The following GRIK2 variants were observed in gnomAD, a reference collection of about 807,000 sequenced individuals.
The protein encoded by GRIK2 is glutamate ionotropic receptor kainate type subunit 2, also known as glutamate receptor ionotropic, kainate 2.
A neutral mutation model predicts 100.3 loss-of-function variants in GRIK2; 32 were observed. That is an observed-to-expected ratio of 0.32 (90% CI 0.24 to 0.43). The LOEUF (loss-of-function observed/expected upper bound fraction) is 0.43. GRIK2 is among the 20% of genes least tolerant of loss of function. The pLI is 1.00. For missense variants in GRIK2, 843 were observed against 1,114.9 expected, an observed-to-expected ratio of 0.76 and a Z score of 3.47; for synonymous variants, 417 against 389.4, an observed-to-expected ratio of 1.07 and a Z score of -0.83.
rs1021612170 is a variant in GRIK2, at chr6:101,752,801, A to C, written c.952-46847A>C. Among the ~76,000 whole-genome samples, 5 of 152,342 alleles carry C rather than the reference A, an allele frequency of 3.3e-5. No homozygotes were observed. The East Asian group carries it at 9.6e-4, about 29-fold the overall frequency. On this transcript the variant is annotated intron_variant, in intron 7 of 16. Transcript: ENST00000369134. Reference sequence around the variant, plus strand: ...AATAATATTGCATATGTAAGAGTACACAGTAAATTCAAAGCTTTGTACAAA... The same window carrying C: ...AATAATATTGCATATGTAAGAGTACCCAGTAAATTCAAAGCTTTGTACAAA...
chr6:102,065,170 A>G (rs542884372), intron 16 of GRIK2, among the ~76,000 whole-genome samples: 6 of 151,130 alleles, frequency 4.0e-5, no homozygotes, highest in African/African-American at 1.4e-4. Context: ...TTTGTAAGCT[A>G]AATAAAGTCT....
At chr6:101,867,046 G>A (rs1785095908) in intron 11 of GRIK2, among the ~76,000 whole-genome samples, 1 of 151,894 alleles carries the variant, frequency 6.6e-6, no homozygotes, top group Non-Finnish European at 1.5e-5. Context: ...AGCTCAAAAA[G>A]ATATTTTCCT....
intron 14 of GRIK2, among the ~76,000 whole-genome samples, chr6:101,946,085 A>C (rs1453830130): frequency 1.3e-5 from 2 of 152,052 alleles, no homozygotes; most frequent in African/African-American, 2.4e-5. Flanking sequence ...TACAAAATAT[A>C]ACATATACAC....
intron 14 of GRIK2, among the ~76,000 whole-genome samples, chr6:101,961,876 G>T (rs1397371508): frequency 2.8e-4 from 43 of 152,134 alleles, no homozygotes; most frequent in Non-Finnish European, 5.9e-5. Context: ...CAAGAGCTGA[G>T]ACTCTTTGGG....
chr6:101,973,431 A>T (rs1793179955), intron 14 of GRIK2, among the ~76,000 whole-genome samples: 1 of 151,940 alleles, frequency 6.6e-6, no homozygotes, highest in South Asian at 2.1e-4. Context: ...AAGAACATAA[A>T]GATCTTCTAC....
At position 101,762,775 on chromosome 6, in the gene GRIK2, T is replaced by C. The variant is rs1347525575; in HGVS notation, c.952-36873T>C. ...TACAGCTTTCTTGTCCAGTTAATAT[T>C]CAGCTAAAAAGTACACATGTCAGGC... On this transcript the variant is annotated intron_variant, in intron 7 of 16. Coordinates refer to ENST00000369134, the MANE Select transcript of GRIK2 (RefSeq NM_021956.5). Among the ~76,000 whole-genome samples the C allele has an allele frequency of 2.6e-5, 4 of 152,320 alleles. No homozygotes were observed. The East Asian group carries it at 7.7e-4, about 29-fold the overall frequency.
intron 2 of GRIK2, among the ~76,000 whole-genome samples, chr6:101,522,078 C>T (rs1774907338): frequency 6.6e-6 from 1 of 152,082 alleles, no homozygotes; most frequent in East Asian, 1.9e-4. Context: ...CCTTGCATCT[C>T]TTTAGCAGTT....
At chr6:101,641,814 T>G (rs1389629155) in intron 4 of GRIK2, among the ~76,000 whole-genome samples, 4 of 151,946 alleles carry the variant, frequency 2.6e-5, no homozygotes, top group Non-Finnish European at 4.4e-5. Flanking sequence ...CAGAGCCTAC[T>G]GGCAAACCAG....
intron 12 of GRIK2, among the ~76,000 whole-genome samples, chr6:101,905,093 A>G (rs1322494511): frequency 6.6e-6 from 1 of 151,566 alleles, no homozygotes; most frequent in Non-Finnish European, 1.5e-5. Context: ...GCTAAAAGAG[A>G]AGTAGTGAAT....
chr6:101,546,096 T>C (rs1459216602), intron 2 of GRIK2, among the ~76,000 whole-genome samples: 2 of 152,230 alleles, frequency 1.3e-5, no homozygotes. Flanking sequence ...TATTCACTTT[T>C]AGATTTCGAC....
intron 7 of GRIK2, among the ~76,000 whole-genome samples, chr6:101,777,580 CA>C (rs1180286269): frequency 2.0e-5 from 3 of 151,928 alleles, no homozygotes; most frequent in Admixed American, 2.0e-4. Flanking sequence ...AATGAGGAAA[CA>C]AGGCAATAGG....
At chr6:101,797,939 A>C (rs1360727531) in intron 7 of GRIK2, among the ~76,000 whole-genome samples, 7 of 150,806 alleles carry the variant, frequency 4.6e-5, no homozygotes, top group Non-Finnish European at 8.9e-5. Context: ...ATTTCCATCT[A>C]GTTGAGTATT....
intron 14 of GRIK2, among the ~76,000 whole-genome samples, chr6:101,978,866 C>T (rs1442173719): frequency 1.3e-5 from 2 of 151,954 alleles, no homozygotes; most frequent in African/African-American, 4.8e-5. Context: ...GCTGCTGTCT[C>T]TAAATCTCCC....
intron 7 of GRIK2, among the ~76,000 whole-genome samples, chr6:101,775,716 G>A (rs979601934): frequency 1.3e-5 from 2 of 151,164 alleles, no homozygotes; most frequent in Non-Finnish European, 2.9e-5. Flanking sequence ...CTAGCTGTAT[G>A]GCAAAGTGTG....
At chr6:101,741,699 C>T (rs1382597930) in intron 7 of GRIK2, among the ~76,000 whole-genome samples, 1 of 152,262 alleles carries the variant, frequency 6.6e-6, no homozygotes, top group South Asian at 2.1e-4. Context: ...ATTTTCAGGA[C>T]ATTCTGCTTT....
intron 2 of GRIK2, among the ~76,000 whole-genome samples, chr6:101,439,135 A>G: frequency 6.6e-6 from 1 of 152,130 alleles, no homozygotes; most frequent in Non-Finnish European, 1.5e-5. Context: ...TGCGCTGAGT[A>G]TTCTAAATCC....
intron 2 of GRIK2, among the ~76,000 whole-genome samples, chr6:101,581,799 A>C (rs1431316731): frequency 2.6e-5 from 4 of 152,158 alleles, no homozygotes; most frequent in Non-Finnish European, 4.4e-5. Context: ...TGTTAGAAGT[A>C]AAATACTAAG....
chr6:101,791,958 G>T (rs573092948), intron 7 of GRIK2, among the ~76,000 whole-genome samples: 29 of 152,056 alleles, frequency 1.9e-4, no homozygotes, highest in African/African-American at 6.8e-4. Context: ...TTACCATTAT[G>T]TAATGGCCTT....
Position 101,715,663 on chromosome 6 carries a change from C to T in GRIK2, c.951+29310C>T, listed in dbSNP as rs187411506. Among the ~76,000 whole-genome samples, 198 of 151,768 alleles carry T rather than the reference C, an allele frequency of 1.3e-3. 2 individuals carry two copies. The highest frequency in any genetic ancestry group is 4.0e-3 in the African/African-American group (165 of 41,470). Reference sequence around the variant, plus strand: ...TTTTTATGGCAGTCTTCATTAATCCCATGTTATGAAAAAGAATTATTTCTG... The same window carrying T: ...TTTTTATGGCAGTCTTCATTAATCCTATGTTATGAAAAAGAATTATTTCTG... On this transcript the variant is annotated intron_variant, in intron 7 of 16. Coordinates refer to ENST00000369134, the MANE Select transcript of GRIK2 (RefSeq NM_021956.5).
Sources: allele counts gnomAD v4.1 joint callset (sites outside exome capture counted in the v4.1 genomes callset), GRCh38; gene constraint gnomAD v4.1.1; transcripts MANE v1.5; gene names NCBI Gene and HGNC (gene_info 2026-07-23, HGNC 2026-07-21).